The following ZFHX3 variants were observed in gnomAD, a reference collection of about 807,000 sequenced individuals.
The protein encoded by ZFHX3 is zinc finger homeobox protein 3.
A neutral mutation model predicts 279.1 loss-of-function variants in ZFHX3; 42 were observed. The ratio of observed to expected loss-of-function variants is 0.15; its 90% CI spans 0.12 to 0.19. The LOEUF (loss-of-function observed/expected upper bound fraction) is 0.19. Ranked by LOEUF, ZFHX3 falls within the 10% of genes least tolerant of loss-of-function variation. ZFHX3 has a pLI of 1.00. For synonymous variants in ZFHX3, 2,293 were observed against 1,957.8 expected, an observed-to-expected ratio of 1.17 and a Z score of -4.52; for missense variants, 4,981 against 4,754.0, an observed-to-expected ratio of 1.05 and a Z score of -1.40.
At chr16:73,227,909 T>C (rs1039893462) in intron 5 of ZFHX3, among the ~76,000 whole-genome samples, 4 of 150,474 alleles carry the variant, frequency 2.7e-5, no homozygotes, top group African/African-American at 9.9e-5. Context: ...CAACAATTAT[T>C]ATAACAAATT....
At chr16:73,886,616 C>A (rs1254773467) in intron 1 of ZFHX3, among the ~76,000 whole-genome samples, 2 of 152,186 alleles carry the variant, frequency 1.3e-5, no homozygotes, top group African/African-American at 4.8e-5. Context: ...AGTATCACAA[C>A]ACAAATGTGC....
chr16:73,751,410 T>C (rs1396128601), intron 1 of ZFHX3, among the ~76,000 whole-genome samples: 1 of 152,198 alleles, frequency 6.6e-6, no homozygotes, highest in African/African-American at 2.4e-5. Context: ...CGTGTCATCA[T>C]CCATTCTAGT....
chr16:72,834,028 C>T (rs1022643931), intron 4 of ZFHX3, among the ~76,000 whole-genome samples: 3 of 152,110 alleles, frequency 2.0e-5, no homozygotes, highest in African/African-American at 4.8e-5. Flanking sequence ...AGGTGGATTG[C>T]TTGAACTCAG....
rs148295169 is a variant in ZFHX3, at chr16:73,792,495, A to T, written c.-1608+99156T>A. The stretch of plus-strand genomic sequence containing the variant: ...ACAACTGTGGACAAAATAAGAGAGG[A>T]AAGTTTTATTAATTCTAAATACACT... On this transcript the variant is annotated intron_variant, in intron 1 of 17. Coordinates refer to the ZFHX3 transcript ENST00000641206. Among the ~76,000 whole-genome samples, 18 of 152,338 alleles carry T rather than the reference A, an allele frequency of 1.2e-4. No homozygotes were observed. The East Asian group carries it at 2.3e-3, about 20-fold the overall frequency.
intron 1 of ZFHX3, chr16:73,680,351 C>A (rs1309792375): frequency 2.0e-5 from 3 of 152,024 alleles, no homozygotes; most frequent in African/African-American, 7.2e-5. Context: ...AAATAAGGCA[C>A]ATTCTGAGTG....
At chr16:73,013,442 C>A (rs963034509) in intron 1 of ZFHX3, among the ~76,000 whole-genome samples, 25 of 152,204 alleles carry the variant, frequency 1.6e-4, no homozygotes, top group African/African-American at 6.0e-4. Flanking sequence ...CGTGTGCCAC[C>A]ACACCCAGCT....
chr16:72,890,496 GTTT>G (rs113661748), intron 3 of ZFHX3, among the ~76,000 whole-genome samples: 4 of 142,012 alleles, frequency 2.8e-5, no homozygotes, highest in East Asian at 2.0e-4. Context: ...TCCTTAGAGG[GTTT>G]TTTTTTTTTT....
In ZFHX3 at chr16:72,867,343, C is replaced by T. The variant is rs560570116; in HGVS notation, c.3448+22388G>A. Among the ~76,000 whole-genome samples, 6 of 152,306 alleles carry T rather than the reference C, an allele frequency of 3.9e-5. No individual in the cohort carries two copies. In the South Asian group the frequency reaches 1.0e-3, roughly 26 times the overall value. On this transcript the variant is annotated intron_variant, in intron 4 of 9. Transcript: ENST00000268489. The stretch of plus-strand genomic sequence containing the variant: ...CACTCGCAGAGCAGAACTCTGGAAA[C>T]GTGCACTTTACGCAATGGAGAAGTG...
intron 2 of ZFHX3, among the ~76,000 whole-genome samples, chr16:73,473,635 C>T (rs2018714747): frequency 6.6e-6 from 1 of 152,158 alleles, no homozygotes; most frequent in Non-Finnish European, 1.5e-5. Flanking sequence ...CTCTCTGAAG[C>T]AGCTGTATGA....
At position 72,957,873 on chromosome 16, in the gene ZFHX3, T is replaced by C; in HGVS notation, c.2273A>G (p.Gln758Arg). 2 of 1,614,134 alleles carry C rather than the reference T, an allele frequency of 1.2e-6. No individual in the cohort carries two copies. The highest frequency in any genetic ancestry group is 2.2e-5 in the South Asian group (2 of 91,088). ...GAAGACCTGCTCCCCCCCTCCATTC[T>C]GCAGGTTCTGCATGTTGTTGAGATG... ...DKHLNNMQNL[Q>R]NGGGEQVFSH... is the part of the protein sequence containing the mutation. Residue 758 changes from glutamine to arginine, a missense_variant, in exon 2 of 10, where the codon CAG (glutamine) becomes CGG (arginine). Gln to Arg is a conservative substitution (Grantham distance 43). Around this residue, in one of 7 missense-constraint regions of ZFHX3, gnomAD observed 1,751 missense variants for 1,770.0 expected, o/e 0.99. Transcript: ENST00000268489.
intron 7 of ZFHX3, among the ~76,000 whole-genome samples, chr16:73,095,175 T>C (rs1451109126): frequency 6.6e-6 from 1 of 152,152 alleles, no homozygotes; most frequent in Non-Finnish European, 1.5e-5. Flanking sequence ...TCCTCCCACT[T>C]TGGCCTCCCA....
At chr16:73,333,156 C>G (rs2015838727) in intron 3 of ZFHX3, among the ~76,000 whole-genome samples, 2 of 152,090 alleles carry the variant, frequency 1.3e-5, no homozygotes, top group South Asian at 4.1e-4. Context: ...TACATGGATA[C>G]ATAGACACAT....
intron 1 of ZFHX3, among the ~76,000 whole-genome samples, chr16:73,890,925 A>G (rs2030514152): frequency 6.6e-6 from 1 of 152,060 alleles, no homozygotes; most frequent in East Asian, 1.9e-4. Context: ...AGCTGGTGAC[A>G]TCAATCAACT....
At chr16:73,604,786 G>A (rs1055622961) in intron 2 of ZFHX3, among the ~76,000 whole-genome samples, 1 of 151,250 alleles carries the variant, frequency 6.6e-6, no homozygotes, top group Admixed American at 6.6e-5. Flanking sequence ...GTTGCTGGTT[G>A]TTCTGTGCCC....
At chr16:73,703,137 A>G (rs1463495744) in intron 1 of ZFHX3, among the ~76,000 whole-genome samples, 1 of 152,170 alleles carries the variant, frequency 6.6e-6, no homozygotes, top group Non-Finnish European at 1.5e-5. Context: ...CAAACTAAAC[A>G]GTAATGCAGA....
intron 2 of ZFHX3, among the ~76,000 whole-genome samples, chr16:73,619,518 A>ATATG (rs1198797728): frequency 2.7e-5 from 4 of 150,022 alleles, no homozygotes; most frequent in African/African-American, 9.8e-5. Context: ...ATATATATAT[A>ATATG]TGTCTGTAAG....
At chr16:72,882,571 G>A (rs528926332) in intron 4 of ZFHX3, among the ~76,000 whole-genome samples, 10 of 152,240 alleles carry the variant, frequency 6.6e-5, no homozygotes, top group Admixed American at 2.6e-4. Context: ...GGCTGGGTAC[G>A]AGGCTGCACG....
chr16:73,127,401 C>G, intron 7 of ZFHX3: 1 of 1,305,414 alleles, frequency 7.7e-7, no homozygotes, highest in Non-Finnish European at 1.0e-6. Flanking sequence ...TTTTTGGGGC[C>G]AGAGCCTTCC....
chr16:73,574,915 T>C (rs1337598515), intron 2 of ZFHX3, among the ~76,000 whole-genome samples: 2 of 152,168 alleles, frequency 1.3e-5, no homozygotes, highest in Non-Finnish European at 2.9e-5. Flanking sequence ...CACAGCCCCC[T>C]GGAAGTCTTC....
Sources: gnomAD v4.1 joint callset for allele counts (sites outside exome capture counted in the v4.1 genomes callset) on GRCh38, gnomAD v4.1.1 for gene constraint, gnomAD v4.1.1 regional missense constraint, MANE v1.5 for transcripts, NCBI Gene and HGNC (gene_info 2026-07-23, HGNC 2026-07-21) for gene names.